Variants in ZFR observed in about 807,000 individuals in gnomAD.
ZFR encodes zinc finger RNA-binding protein.
A neutral mutation model predicts 130.7 loss-of-function variants in ZFR; 19 were observed. The observed-to-expected ratio is 0.15, with a 90% CI of 0.10 to 0.21. The LOEUF (loss-of-function observed/expected upper bound fraction) is 0.21, where lower values mean the gene tolerates loss of function less well. Ranked by LOEUF, ZFR falls within the 10% of genes least tolerant of loss-of-function variation. The probability of loss-of-function intolerance (pLI) is 1.00; values close to 1 mark genes in which losing one functional copy is unlikely to be tolerated. For synonymous variants in ZFR, 466 were observed against 456.9 expected, an observed-to-expected ratio of 1.02 and a Z score of -0.25; for missense variants, 872 against 1,321.5, an observed-to-expected ratio of 0.66 and a Z score of 5.27.
chr5:32,380,650 C>CTTTTT (rs55724344), intron 15 of ZFR, among the ~76,000 whole-genome samples: 6 of 97,064 alleles, frequency 6.2e-5, no homozygotes, highest in South Asian at 3.4e-4. Flanking sequence ...ACAGGCATTT[C>CTTTTT]TTTTTTTTTT....
chr5:32,430,079 C>CAGAAAA (rs376909635), intron 2 of ZFR, among the ~76,000 whole-genome samples: 2 of 70,312 alleles, frequency 2.8e-5, no homozygotes, highest in Non-Finnish European at 5.1e-5. Context: ...GACCCTATTT[C>CAGAAAA]AAAAAAAAAA....
chr5:32,379,713 C>T, intron 16 of ZFR: 1 of 196,844 alleles, frequency 5.1e-6, no homozygotes, highest in Non-Finnish European at 1.0e-5. Flanking sequence ...ATACACAAAG[C>T]TTTAAACACA....
At position 32,355,565 on chromosome 5, in the gene ZFR, A is replaced by AT. The variant is rs377173878; in HGVS notation, c.*194dup. The stretch of plus-strand genomic sequence containing the variant: ...ACTGTTTTCCCCCTAGTCGGAGCAC[A>AT]TTTTTTTTTTTGGGTGTCTTTCCAT... On this transcript the variant is annotated 3_prime_UTR_variant, in exon 20 of 20. Transcript: ENST00000265069. The AT allele has an allele frequency of 0.02, 7,111 of 352,370 alleles. 10 individuals carry two copies. The highest frequency in any genetic ancestry group is 0.031 in the African/African-American group (1,423 of 46,030). 21.8% of individuals were successfully genotyped at this position (352,370 alleles called of 1,614,324 possible).
At chr5:32,427,627 A>T (rs1021497515) in intron 2 of ZFR, among the ~76,000 whole-genome samples, 6 of 151,974 alleles carry the variant, frequency 3.9e-5, no homozygotes, top group African/African-American at 1.4e-4. Context: ...TTTTTGCCAG[A>T]AAAGAAATCT....
chr5:32,408,030 C>T (rs1436487504), intron 5 of ZFR, among the ~76,000 whole-genome samples: 1 of 151,912 alleles, frequency 6.6e-6, no homozygotes, highest in African/African-American at 2.4e-5. Flanking sequence ...AATCTTTAGC[C>T]CACCTTTCAG....
chr5:32,356,816 C>T (rs1418847579), intron 19 of ZFR, among the ~76,000 whole-genome samples: 3 of 152,150 alleles, frequency 2.0e-5, no homozygotes, highest in Non-Finnish European at 2.9e-5. Context: ...TTTTATTAAT[C>T]AGTGGGACCG....
chr5:32,400,290 T>C, intron 8 of ZFR, 87 bp from the exon 9 acceptor site: 1 of 983,264 alleles, frequency 1.0e-6, no homozygotes, highest in Non-Finnish European at 1.4e-6. Flanking sequence ...ATAAAGTTCT[T>C]TTCTGCTAAT....
intron 9 of ZFR, among the ~76,000 whole-genome samples, chr5:32,397,847 A>ATTT (rs1753352284): frequency 3.4e-4 from 24 of 71,110 alleles, no homozygotes; most frequent in Admixed American, 7.7e-4. Context: ...TTGCTCTTGT[A>ATTT]TCTTTTTTTT....
chr5:32,358,617 G>A (rs1200282074), intron 19 of ZFR, among the ~76,000 whole-genome samples: 6 of 151,558 alleles, frequency 4.0e-5, no homozygotes, highest in Non-Finnish European at 8.8e-5. Flanking sequence ...GCGACACGGC[G>A]AGACTCCGTC....
chr5:32,438,027 A>T (rs1298837504), intron 2 of ZFR, among the ~76,000 whole-genome samples: 1 of 152,076 alleles, frequency 6.6e-6, no homozygotes, highest in Non-Finnish European at 1.5e-5. Context: ...AGGAGATAAT[A>T]ATTTGATGGC....
At chr5:32,443,649 GC>G (rs1215188745) in intron 2 of ZFR, among the ~76,000 whole-genome samples, 1 of 152,248 alleles carries the variant, frequency 6.6e-6, no homozygotes, top group Non-Finnish European at 1.5e-5. Context: ...AGCAGGACTC[GC>G]TAGCGATGGA....
At chr5:32,444,472 C>G (rs913719668) in intron 1 of ZFR, 144 bp from the exon 2 acceptor site, 1 of 1,284,738 alleles carries the variant, frequency 7.8e-7, no homozygotes, top group Non-Finnish European at 1.0e-6. Flanking sequence ...CGCCGCCTCC[C>G]CCTCCCGCCT....
intron 19 of ZFR, among the ~76,000 whole-genome samples, chr5:32,357,668 G>C (rs1752343954): frequency 6.6e-6 from 1 of 152,154 alleles, no homozygotes; most frequent in Non-Finnish European, 1.5e-5. Flanking sequence ...TATCCTTCAT[G>C]ACTTCCTGTA....
chr5:32,381,278 A>G (rs1752930171), intron 15 of ZFR, among the ~76,000 whole-genome samples: 2 of 152,228 alleles, frequency 1.3e-5, no homozygotes, highest in South Asian at 4.1e-4. Context: ...TCATAAAAGT[A>G]GACAAAGGGC....
At chr5:32,374,339 C>G (rs1040178656) in intron 17 of ZFR, among the ~76,000 whole-genome samples, 2 of 151,946 alleles carry the variant, frequency 1.3e-5, no homozygotes, top group Non-Finnish European at 2.9e-5. Context: ...AACTCTGTCT[C>G]TACTAAAAAT....
chr5:32,435,326 CCTT>C (rs1358039282), intron 2 of ZFR, among the ~76,000 whole-genome samples: 11 of 152,186 alleles, frequency 7.2e-5, no homozygotes, highest in Non-Finnish European at 1.0e-4. Flanking sequence ...AAAAAGCTAA[CCTT>C]CTGTCAATTC....
intron 13 of ZFR, among the ~76,000 whole-genome samples, chr5:32,388,003 T>G (rs1470445582): frequency 6.6e-6 from 1 of 152,188 alleles, no homozygotes; most frequent in Non-Finnish European, 1.5e-5. Flanking sequence ...ACAAAAATAT[T>G]TCCAAATGGT....
At chr5:32,402,851 T>C (rs537941697) in intron 8 of ZFR, among the ~76,000 whole-genome samples, 1 of 152,010 alleles carries the variant, frequency 6.6e-6, no homozygotes, top group African/African-American at 2.4e-5. Flanking sequence ...AAAGGGTCTT[T>C]GTGTGTGCAG....
chr5:32,369,570 C>A (rs1054785728), intron 17 of ZFR, among the ~76,000 whole-genome samples: 3 of 152,028 alleles, frequency 2.0e-5, no homozygotes, highest in African/African-American at 7.3e-5. Flanking sequence ...CTTCTGGAGG[C>A]CAAGTTGGGA....
Sources: gnomAD v4.1 joint callset for allele counts (sites outside exome capture counted in the v4.1 genomes callset) on GRCh38, gnomAD v4.1.1 for gene constraint, MANE v1.5 for transcripts, NCBI Gene and HGNC (gene_info 2026-07-23, HGNC 2026-07-21) for gene names.